The following OTOGL variants were observed in gnomAD, a reference collection of about 807,000 sequenced individuals.
OTOGL encodes otogelin like.
OTOGL carries 285 observed loss-of-function variants against 318.5 expected under a neutral mutation model. The observed-to-expected ratio is 0.89, with a 90% CI of 0.81 to 0.99. The LOEUF (loss-of-function observed/expected upper bound fraction) is 0.99, where lower values mean the gene tolerates loss of function less well. Among genes scored for constraint, OTOGL ranks in the 50% least tolerant of loss-of-function variants. The probability of loss-of-function intolerance (pLI) is 0.00; values close to 1 mark genes in which losing one functional copy is unlikely to be tolerated. For missense variants in OTOGL, 2,899 were observed against 2,845.6 expected, an observed-to-expected ratio of 1.02 and a Z score of -0.43; for synonymous variants, 987 against 936.5, an observed-to-expected ratio of 1.05 and a Z score of -0.99.
intron 54 of OTOGL, 53 bp downstream of exon 54, chr12:80,367,792 CAG>C (rs1890641559): frequency 2.5e-6 from 3 of 1,219,458 alleles, no homozygotes; most frequent in South Asian, 4.5e-5. Flanking sequence ...TCAAAAATGG[CAG>C]AGTTATAGAA....
chr12:80,103,524 G>C (rs1017158476), intron 1 of OTOGL, among the ~76,000 whole-genome samples: 9 of 152,022 alleles, frequency 5.9e-5, no homozygotes, highest in Non-Finnish European at 1.2e-4. Context: ...TGGCTAAATT[G>C]GATCTGTTAT....
At chr12:80,355,470 C>T (rs1889829164) in intron 46 of OTOGL, among the ~76,000 whole-genome samples, 1 of 151,978 alleles carries the variant, frequency 6.6e-6, no homozygotes, top group South Asian at 2.1e-4. Flanking sequence ...GCAGTCCTCC[C>T]TCCTCAGCCT....
intron 26 of OTOGL, among the ~76,000 whole-genome samples, chr12:80,286,794 T>C (rs1486893441): frequency 6.6e-6 from 1 of 152,198 alleles, no homozygotes; most frequent in African/African-American, 2.4e-5. Context: ...TCTTTATTAG[T>C]CTGGCTAGTG....
In OTOGL at chr12:80,352,421, A is replaced by G. The variant is rs747897518; in HGVS notation, c.5392A>G (p.Thr1798Ala). ...NKFDICIQWR[T>A]PDYCSLSCPE... ...GTTTGATATCTGTATTCAGTGGAGA[A>G]CACCTGATTACTGCTGTGAGTAACT... Residue 1798 changes from threonine to alanine, a missense_variant, in exon 45 of 59, where the codon ACA (threonine) becomes GCA (alanine). Transcript: ENST00000547103. The G allele has an allele frequency of 1.3e-6, 2 of 1,598,782 alleles. No individual in the cohort carries two copies. The highest frequency in any genetic ancestry group is 1.7e-6 in the Non-Finnish European group (2 of 1,174,972).
intron 18 of OTOGL, among the ~76,000 whole-genome samples, chr12:80,259,534 C>T (rs1882350480): frequency 6.6e-6 from 1 of 151,854 alleles, no homozygotes; most frequent in African/African-American, 2.4e-5. Context: ...CCTCCCCTAG[C>T]CCCACACCCC....
chr12:80,367,970 G>A (rs1890653653), intron 54 of OTOGL, among the ~76,000 whole-genome samples: 2 of 152,050 alleles, frequency 1.3e-5, no homozygotes, highest in Admixed American at 6.6e-5. Context: ...CCTTACCTGA[G>A]GTTGTTAAAC....
At chr12:80,116,950 CTG>C (rs778988713) in intron 1 of OTOGL, among the ~76,000 whole-genome samples, 5 of 152,156 alleles carry the variant, frequency 3.3e-5, no homozygotes, top group Non-Finnish European at 4.4e-5. Flanking sequence ...CTTCTGTACA[CTG>C]TGAGCAAGTG....
chr12:80,120,652 A>G (rs1018545497), intron 1 of OTOGL, among the ~76,000 whole-genome samples: 1 of 152,240 alleles, frequency 6.6e-6, no homozygotes, highest in African/African-American at 2.4e-5. Context: ...GCCTTTCAAT[A>G]TGAATATTGC....
intron 48 of OTOGL, 123 bp from the exon 49 acceptor site, chr12:80,356,684 A>G (rs1237767708): frequency 1.0e-4 from 55 of 540,550 alleles, no homozygotes; most frequent in East Asian, 3.9e-4. Flanking sequence ...ATATATATGT[A>G]TATATATATA....
intron 11 of OTOGL, among the ~76,000 whole-genome samples, chr12:80,245,901 G>A (rs1880827390): frequency 9.2e-6 from 1 of 108,290 alleles, no homozygotes; most frequent in East Asian, 2.7e-4. Flanking sequence ...TGGATTCCTA[G>A]GTATTTTATT....
intron 1 of OTOGL, among the ~76,000 whole-genome samples, chr12:80,173,664 A>T (rs1056179167): frequency 6.6e-6 from 1 of 152,194 alleles, no homozygotes; most frequent in Non-Finnish European, 1.5e-5. Flanking sequence ...CTGGGAATGC[A>T]GCCCAATAGG....
intron 7 of OTOGL, among the ~76,000 whole-genome samples, chr12:80,223,784 T>A (rs1466069524): frequency 6.6e-6 from 1 of 152,170 alleles, no homozygotes; most frequent in African/African-American, 2.4e-5. Flanking sequence ...TTGTTTGTTT[T>A]TTTCTTGCTA....
At chr12:80,156,614 G>A (rs1873138476) in intron 1 of OTOGL, among the ~76,000 whole-genome samples, 1 of 152,150 alleles carries the variant, frequency 6.6e-6, no homozygotes, top group African/African-American at 2.4e-5. Context: ...TAGTGATAGT[G>A]AACAAGTCTC....
chr12:80,349,616 C>T (rs1168007105), intron 44 of OTOGL, among the ~76,000 whole-genome samples: 1 of 152,062 alleles, frequency 6.6e-6, no homozygotes, highest in Non-Finnish European at 1.5e-5. Context: ...ATATAGGCTT[C>T]TGAGAGATCG....
rs370459893 is a variant in OTOGL, at chr12:80,242,677, C to T, written c.1052+3238C>T. ...AATTCAACACACATCTTTTGAGTAT[C>T]TATTCTGAGCTGAGTATTTTGTCAC... On this transcript the variant is annotated intron_variant, in intron 11 of 58. Transcript: ENST00000547103. Among the ~76,000 whole-genome samples the T allele has an allele frequency of 3.4e-4, 52 of 152,144 alleles. No homozygotes were observed. The South Asian group carries it at 0.01, about 30-fold the overall frequency.
intron 30 of OTOGL, 52 bp downstream of exon 30, chr12:80,310,779 T>G: frequency 7.1e-7 from 1 of 1,411,790 alleles, no homozygotes; most frequent in Non-Finnish European, 9.8e-7. Context: ...CTACTGTGTC[T>G]ATAATACTGA....
chr12:80,207,652 G>T (rs7954738), intron 1 of OTOGL, among the ~76,000 whole-genome samples: 1 of 152,204 alleles, frequency 6.6e-6, no homozygotes. Context: ...ATTGTAAAAT[G>T]AGGAGTGGAC....
intron 1 of OTOGL, among the ~76,000 whole-genome samples, chr12:80,147,982 A>G (rs1164505555): frequency 1.3e-5 from 2 of 152,150 alleles, no homozygotes; most frequent in East Asian, 3.8e-4. Context: ...TGAATACAGC[A>G]CACTGATGGG....
At chr12:80,373,432 A>AAAACAAAC (rs57094353) in intron 57 of OTOGL, among the ~76,000 whole-genome samples, 38 of 150,634 alleles carry the variant, frequency 2.5e-4, no homozygotes, top group African/African-American at 4.6e-4. Context: ...CTCTGTCTCC[A>AAAACAAAC]AAACAAACAA....
Sources: gnomAD v4.1 joint callset for allele counts (sites outside exome capture counted in the v4.1 genomes callset) on GRCh38, gnomAD v4.1.1 for gene constraint, MANE v1.5 for transcripts, NCBI Gene and HGNC (gene_info 2026-07-23, HGNC 2026-07-21) for gene names.